The following SLC25A21 variants were observed in gnomAD, a reference collection of about 807,000 sequenced individuals.
SLC25A21 encodes the protein solute carrier family 25 member 21, also known as mitochondrial 2-oxodicarboxylate carrier.
In SLC25A21, 47 loss-of-function variants were observed where a neutral mutation model predicts 43.8. That is an observed-to-expected ratio of 1.07 (90% confidence interval 0.85 to 1.37). The LOEUF (loss-of-function observed/expected upper bound fraction) is 1.37, where lower values mean the gene tolerates loss of function less well. SLC25A21 is among the 40% of genes most tolerant of loss of function. The pLI, the probability that SLC25A21 is intolerant of heterozygous loss-of-function variation, is 0.00. For missense variants in SLC25A21, 352 were observed against 350.2 expected (o/e 1.00, Z -0.04); for synonymous variants, 131 against 121.3 (o/e 1.08, Z -0.52).
intron 3 of SLC25A21, among the ~76,000 whole-genome samples, chr14:36,803,774 ATGC>A (rs1228745639): frequency 2.6e-5 from 4 of 152,196 alleles, no homozygotes; most frequent in Non-Finnish European, 5.9e-5. Context: ...TGATCATATG[ATGC>A]TTCTTCACTC....
chr14:37,105,926 A>T (rs1375971847), intron 1 of SLC25A21, among the ~76,000 whole-genome samples: 7 of 152,174 alleles, frequency 4.6e-5, no homozygotes, highest in Admixed American at 4.6e-4. Flanking sequence ...GGGACCCCGA[A>T]CAGAGGGACA....
intron 1 of SLC25A21, among the ~76,000 whole-genome samples, chr14:37,101,907 T>C (rs1197576456): frequency 6.6e-6 from 1 of 152,214 alleles, no homozygotes; most frequent in African/African-American, 2.4e-5. Context: ...TTATTGACTT[T>C]GTTAAATGCA....
intron 3 of SLC25A21, among the ~76,000 whole-genome samples, chr14:36,785,388 C>T (rs943162651): frequency 6.6e-6 from 1 of 152,114 alleles, no homozygotes; most frequent in Non-Finnish European, 1.5e-5. Flanking sequence ...CTAACGCATC[C>T]CTCTGCCACT....
chr14:37,168,928 T>C (rs1964075617), intron 1 of SLC25A21, among the ~76,000 whole-genome samples: 1 of 152,154 alleles, frequency 6.6e-6, no homozygotes, highest in African/African-American at 2.4e-5. Flanking sequence ...AAAGGGTAGA[T>C]AAGCAGCCTG....
At chr14:37,035,968 A>T (rs557508804) in intron 1 of SLC25A21, among the ~76,000 whole-genome samples, 1 of 152,348 alleles carries the variant, frequency 6.6e-6, no homozygotes, top group South Asian at 2.1e-4. Context: ...TGCTATACCC[A>T]GATGTACGGG....
intron 1 of SLC25A21, among the ~76,000 whole-genome samples, chr14:36,922,892 T>G (rs1358506038): frequency 1.6e-4 from 25 of 152,078 alleles, no homozygotes; most frequent in Admixed American, 1.3e-3. Context: ...AAGAGGACAG[T>G]GAAATCCAGA....
At chr14:36,916,857 T>A (rs1891846441) in intron 1 of SLC25A21, among the ~76,000 whole-genome samples, 1 of 152,046 alleles carries the variant, frequency 6.6e-6, no homozygotes, top group African/African-American at 2.4e-5. Flanking sequence ...GAGTCTCTCC[T>A]CTCTCTTCCT....
intron 2 of SLC25A21, among the ~76,000 whole-genome samples, chr14:36,836,759 TAAGAA>T (rs1889223501): frequency 6.6e-6 from 1 of 152,100 alleles, no homozygotes; most frequent in South Asian, 2.1e-4. Flanking sequence ...AGTTTGTAGT[TAAGAA>T]AAGGGAAGAA....
At chr14:37,045,779 C>T (rs528789400) in intron 1 of SLC25A21, among the ~76,000 whole-genome samples, 1 of 152,254 alleles carries the variant, frequency 6.6e-6, no homozygotes, top group South Asian at 2.1e-4. Context: ...TGACTCACTC[C>T]AGGGTTTTGA....
At chr14:36,905,200 G>C (rs1891502901) in intron 1 of SLC25A21, among the ~76,000 whole-genome samples, 1 of 152,174 alleles carries the variant, frequency 6.6e-6, no homozygotes, top group African/African-American at 2.4e-5. Flanking sequence ...GCTGGATCAT[G>C]AACTATGGTA....
At chr14:37,104,898 T>G (rs1296389567) in intron 1 of SLC25A21, among the ~76,000 whole-genome samples, 1 of 152,182 alleles carries the variant, frequency 6.6e-6, no homozygotes, top group African/African-American at 2.4e-5. Flanking sequence ...ATCTCTTGCA[T>G]AGCCTCTGAA....
At chr14:36,981,641 G>A (rs150214676) in intron 1 of SLC25A21, among the ~76,000 whole-genome samples, 11,024 of 152,086 alleles carry the variant, frequency 0.072, 436 homozygotes, top group Admixed American at 0.084. Context: ...TGAACAATGA[G>A]AACACTTGGA....
intron 1 of SLC25A21, among the ~76,000 whole-genome samples, chr14:36,986,114 T>C (rs1286157811): frequency 6.6e-6 from 1 of 152,178 alleles, no homozygotes; most frequent in Non-Finnish European, 1.5e-5. Context: ...GGAGGCTCTT[T>C]ACAACTGAAA....
chr14:36,786,825 C>T (rs1436436395), intron 3 of SLC25A21, among the ~76,000 whole-genome samples: 4 of 152,150 alleles, frequency 2.6e-5, no homozygotes, highest in African/African-American at 9.7e-5. Context: ...TATGGCACTG[C>T]AACCCAGGCC....
At chr14:36,944,949 T>C (rs7160841) in intron 1 of SLC25A21, among the ~76,000 whole-genome samples, 135,774 of 152,154 alleles carry the variant, frequency 0.89, 60,877 homozygotes, top group African/African-American at 0.97. Context: ...TTCATAACAC[T>C]GCTGGTACAG....
chr14:36,875,867 A>C (rs1259790221), intron 1 of SLC25A21, among the ~76,000 whole-genome samples: 6 of 152,222 alleles, frequency 3.9e-5, no homozygotes, highest in Admixed American at 6.5e-5. Context: ...CAATAGGAGT[A>C]GTACAGTAGT....
Position 36,684,907 on chromosome 14 carries a change from A to C in SLC25A21, c.622T>G (p.Trp208Gly), listed in dbSNP as rs779354786. ...PVNKDPILEFWRKFGIGLLSG... is the reference protein window; with the variant it reads ...PVNKDPILEFGRKFGIGLLSG... ...AGAAGACCAATCCCAAATTTTCTCC[A>C]AAACTCCAAGATTGGATCCTAAAAG... The change falls in exon 8 of 10, where the codon TGG (tryptophan) becomes GGG (glycine). Residue 208 changes from tryptophan to glycine, a missense_variant. Coordinates refer to ENST00000331299, the MANE Select transcript of SLC25A21 (RefSeq NM_030631.4). The C allele has an allele frequency of 7.5e-6, 12 of 1,610,158 alleles. No homozygotes were observed. In the Middle Eastern group the frequency reaches 5.0e-4, roughly 67 times the overall value.
chr14:37,123,206 T>C (rs1963240229), intron 1 of SLC25A21, among the ~76,000 whole-genome samples: 1 of 152,224 alleles, frequency 6.6e-6, no homozygotes, highest in African/African-American at 2.4e-5. Context: ...TACTTTAACC[T>C]ACAGGGTTGG....
rs537150739 is a variant in SLC25A21, at chr14:36,712,648, A to G, written c.439-1166T>C. Among the ~76,000 whole-genome samples, 8 of 152,308 alleles carry G rather than the reference A, an allele frequency of 5.3e-5. No homozygotes were observed. The East Asian group carries it at 1.5e-3, about 29-fold the overall frequency. ...AAATGTTTTGAAGACTCTAGCTACA[A>G]TTCTACACTCAACTTCATCCATTAA... On this transcript the variant is annotated intron_variant, in intron 6 of 9. Coordinates refer to ENST00000331299, the MANE Select transcript of SLC25A21 (RefSeq NM_030631.4).
Sources: allele counts gnomAD v4.1 joint callset (sites outside exome capture counted in the v4.1 genomes callset), GRCh38; gene constraint gnomAD v4.1.1; transcripts MANE v1.5; gene names NCBI Gene and HGNC (gene_info 2026-07-23, HGNC 2026-07-21).